The following ITGA2B variants were observed in gnomAD, a reference collection of about 807,000 sequenced individuals.
ITGA2B encodes the protein integrin alpha-IIb.
In ITGA2B, 91 loss-of-function variants were observed where a neutral mutation model predicts 142.0. That is an observed-to-expected ratio of 0.64 (90% confidence interval 0.54 to 0.76). The LOEUF is 0.76. Among genes scored for constraint, ITGA2B ranks in the 30% least tolerant of loss-of-function variants. ITGA2B has a pLI of 0.00. For missense variants in ITGA2B, 1,231 were observed against 1,350.8 expected, an observed-to-expected ratio of 0.91 and a Z score of 1.39; for synonymous variants, 536 against 567.2, an observed-to-expected ratio of 0.94 and a Z score of 0.78.
chr17:44,382,444 A>C (rs1412605659), intron 12 of ITGA2B, among the ~76,000 whole-genome samples: 1 of 151,808 alleles, frequency 6.6e-6, no homozygotes, highest in Non-Finnish European at 1.5e-5. Context: ...TCTTGGCCTG[A>C]ATCAATTTAT....
At chr17:44,377,892 G>T (rs751065987) in intron 20 of ITGA2B, 102 bp from the exon 21 acceptor site, 18 of 750,448 alleles carry the variant, frequency 2.4e-5, no homozygotes, top group Non-Finnish European at 3.7e-5. Flanking sequence ...AGGTAGGGAG[G>T]GGGGGGTTTC....
At chr17:44,377,847 G>T (rs2048558782) in intron 20 of ITGA2B, 57 bp from the exon 21 acceptor site, 4 of 1,125,872 alleles carry the variant, frequency 3.6e-6, no homozygotes, top group Non-Finnish European at 5.0e-6. Context: ...ATATATTTAA[G>T]CTCCCTTGGA....
At position 44,385,506 on chromosome 17, in the gene ITGA2B, C is replaced by A. The variant is rs561190122; in HGVS notation, c.574+45G>T. On this transcript the variant is annotated intron_variant, in intron 4 of 29. Coordinates refer to ENST00000262407, the MANE Select transcript of ITGA2B (RefSeq NM_000419.5). ...GGGCGGGATCCGATGGGGGCGGGGC[C>A]AAGCCGTCGCGAGTGGGCGGGGCCA... is the stretch of plus-strand genomic sequence containing the variant. 4.5e-4 allele frequency: 695 copies of A among 1,534,600 alleles called. 1 individual carries two copies. Among genetic ancestry groups the A allele is most frequent in the Admixed American group, 8.4e-4 (43 of 51,018 alleles).
chr17:44,384,621 G>A, intron 7 of ITGA2B, 36 bp from the exon 8 acceptor site: 1 of 1,612,374 alleles, frequency 6.2e-7, no homozygotes, highest in Non-Finnish European at 8.5e-7. Flanking sequence ...TTTTCCAGGG[G>A]AGGAAGCACA....
chr17:44,378,802 C>T (rs2048568231), intron 18 of ITGA2B, 92 bp from the exon 19 acceptor site: 2 of 1,115,196 alleles, frequency 1.8e-6, no homozygotes, highest in African/African-American at 1.5e-5. Flanking sequence ...GCTTGGGGTT[C>T]ACATAGGGGC....
chr17:44,380,169 G>A lies in ITGA2B; in HGVS notation c.1601-16C>T, dbSNP rs1598379675. 1 of 1,613,552 alleles carries A rather than the reference G, an allele frequency of 6.2e-7. No homozygotes were observed. Among genetic ancestry groups the A allele is most frequent in the East Asian group, 2.2e-5 (1 of 44,814 alleles). On this transcript the variant is annotated splice_polypyrimidine_tract_variant and intron_variant, in intron 16 of 29. Transcript: ENST00000262407. Reference sequence around the variant, plus strand: ...GCATTTAGGGCTGGCAGGGCAAGCAGAAGAGTCAGGACCTCCCTGGCCAGC... The same window carrying A: ...GCATTTAGGGCTGGCAGGGCAAGCAAAAGAGTCAGGACCTCCCTGGCCAGC...
intron 13 of ITGA2B, 30 bp downstream of exon 13, chr17:44,380,849 G>T (rs373718654): frequency 1.2e-6 from 2 of 1,612,304 alleles, no homozygotes; most frequent in East Asian, 4.5e-5. Flanking sequence ...CCTTTCTTGG[G>T]CATTTCTAGC....
chr17:44,383,446 T>C, intron 12 of ITGA2B, 47 bp downstream of exon 12: 1 of 1,545,640 alleles, frequency 6.5e-7, no homozygotes, highest in South Asian at 1.2e-5. Flanking sequence ...GCTTTTTGAG[T>C]GGCTGTTAAC....
chr17:44,385,122 T>C, intron 6 of ITGA2B, 42 bp downstream of exon 6: 2 of 1,613,806 alleles, frequency 1.2e-6, no homozygotes, highest in South Asian at 1.1e-5. Context: ...GCGGTCTCCT[T>C]GGGCCGCGAG....
chr17:44,385,487 G>A, intron 4 of ITGA2B, 64 bp downstream of exon 4: 1 of 1,514,694 alleles, frequency 6.6e-7, no homozygotes, highest in Non-Finnish European at 8.8e-7. Flanking sequence ...CTGGGGGCGG[G>A]ATCCGATGGG....
chr17:44,383,417 G>A, intron 12 of ITGA2B, 76 bp downstream of exon 12: 1 of 1,387,308 alleles, frequency 7.2e-7, no homozygotes, highest in Non-Finnish European at 9.9e-7. Context: ...GGTTCTGGCT[G>A]CCCTCAGGCC....
chr17:44,381,965 A>C (rs1171999037), intron 12 of ITGA2B, among the ~76,000 whole-genome samples: 1 of 151,478 alleles, frequency 6.6e-6, no homozygotes, highest in African/African-American at 2.4e-5. Context: ...ATTCCATCAA[A>C]CTCCCAGACC....
At chr17:44,377,929 A>C in intron 20 of ITGA2B, 139 bp from the exon 21 acceptor site, 2 of 693,968 alleles carry the variant, frequency 2.9e-6, no homozygotes, top group Admixed American at 4.2e-5. Flanking sequence ...AGGGACTGTC[A>C]CATGCTAGTG....
chr17:44,381,212 A>AG (rs1352654406), intron 12 of ITGA2B, 151 bp from the exon 13 acceptor site: 45 of 690,682 alleles, frequency 6.5e-5, no homozygotes, highest in Non-Finnish European at 1.0e-4. Flanking sequence ...ACCCTCCAGG[A>AG]GTTAACAATC....
chr17:44,383,871 G>A (rs974201630), intron 11 of ITGA2B, 23 bp downstream of exon 11: 12 of 1,612,572 alleles, frequency 7.4e-6, no homozygotes, highest in African/African-American at 4.0e-5. Context: ...AACTGGGTAG[G>A]GGTGGGGCAT....
intron 1 of ITGA2B, among the ~76,000 whole-genome samples, chr17:44,387,939 C>G (rs1249746187): frequency 1.3e-5 from 2 of 151,522 alleles, no homozygotes; most frequent in African/African-American, 4.8e-5. Context: ...TGCCTCCACT[C>G]TCCCCACTCA....
intron 17 of ITGA2B, 43 bp from the exon 18 acceptor site, chr17:44,379,857 A>T: frequency 6.2e-7 from 1 of 1,613,140 alleles, no homozygotes; most frequent in Non-Finnish European, 8.5e-7. Context: ...TACCATACAC[A>T]TCCCACCTTC....
Position 44,372,439 on chromosome 17 carries a change from G to A in ITGA2B, c.3061-16C>T. 1 of 1,613,452 alleles carries A rather than the reference G, an allele frequency of 6.2e-7. No individual in the cohort carries two copies. Among genetic ancestry groups the A allele is most frequent in the Non-Finnish European group, 8.5e-7 (1 of 1,179,532 alleles). ...AGAAGCCGACCTGGGGGTACACGGG[G>A]GCCAAGGTCAGGGTATACAGATGAT... On this transcript the variant is annotated splice_polypyrimidine_tract_variant and intron_variant, in intron 29 of 29. Coordinates refer to ENST00000262407, the MANE Select transcript of ITGA2B (RefSeq NM_000419.5).
At position 44,376,336 on chromosome 17, in the gene ITGA2B, G is replaced by C. The variant is rs547581737; in HGVS notation, c.2320C>G (p.Arg774Gly). ...CGCAGCTCCACTTGGGCCTCTGCCC[G>C]GACCGGCACGTCCAGCAGCACAATC... ...SKIVLLDVPV[R>G]AEAQVELRGN... Residue 774 changes from arginine (R) to glycine (G), a missense_variant, in exon 23 of 30, where the codon CGG (arginine) becomes GGG (glycine). Physicochemically the swap from Arg to Gly is moderately radical, Grantham distance 125. This residue lies in a region of ITGA2B where 908 missense variants were observed against 1,021.1 expected (regional missense o/e 0.89). Transcript: ENST00000262407. 6.2e-7 allele frequency: 1 copy of C among 1,614,174 alleles called. No individual in the cohort carries two copies. The highest frequency in any genetic ancestry group is 8.5e-7 in the Non-Finnish European group (1 of 1,180,038).
Sources: allele counts gnomAD v4.1 joint callset (sites outside exome capture counted in the v4.1 genomes callset), GRCh38; gene constraint gnomAD v4.1.1; regional missense constraint gnomAD v4.1.1; transcripts MANE v1.5; gene names NCBI Gene and HGNC (gene_info 2026-07-23, HGNC 2026-07-21).